ISM1: variants seen among roughly 807,000 people sequenced by gnomAD.
ISM1 encodes isthmin 1.
In ISM1, 25 loss-of-function variants were observed where a neutral mutation model predicts 46.3. The observed-to-expected ratio is 0.54, with a 90% confidence interval of 0.39 to 0.75. The LOEUF is 0.75. Among genes scored for constraint, ISM1 ranks in the 30% least tolerant of loss-of-function variants. ISM1 has a pLI of 0.00. For synonymous variants in ISM1, 255 were observed against 256.7 expected, an observed-to-expected ratio of 0.99 and a Z score of 0.06; for missense variants, 536 against 625.4, an observed-to-expected ratio of 0.86 and a Z score of 1.52.
intron 4 of ISM1, among the ~76,000 whole-genome samples, chr20:13,292,023 T>C (rs752052511): frequency 6.6e-6 from 1 of 152,202 alleles, no homozygotes; most frequent in Non-Finnish European, 1.5e-5. Context: ...AAGAACAAGA[T>C]ATTAAACACT....
At chr20:13,262,038 C>A (rs886519803) in intron 1 of ISM1, among the ~76,000 whole-genome samples, 18 of 152,160 alleles carry the variant, frequency 1.2e-4, no homozygotes, top group African/African-American at 4.1e-4. Context: ...ATACTTGGGC[C>A]TTTTAGGTGC....
At chr20:13,308,192 G>C in the ISM1 span, among the ~76,000 whole-genome samples, 2 of 152,156 alleles carry the variant, frequency 1.3e-5, no homozygotes, top group Non-Finnish European at 2.9e-5. Context: ...ACACAAAAAG[G>C]AATAGACAGG....
intron 1 of ISM1, among the ~76,000 whole-genome samples, chr20:13,225,012 A>ATTT (rs532771229): frequency 8.4e-4 from 115 of 137,682 alleles, no homozygotes; most frequent in Non-Finnish European, 1.2e-3. Flanking sequence ...CGCCCGGCTA[A>ATTT]TTTTTTTTTT....
At chr20:13,289,166 T>C (rs950896854) in intron 4 of ISM1, among the ~76,000 whole-genome samples, 1 of 152,222 alleles carries the variant, frequency 6.6e-6, no homozygotes, top group African/African-American at 2.4e-5. Context: ...TATGCACAAT[T>C]GCAGTGGCCG....
chr20:13,298,857 C>G (rs1334368511), intron 5 of ISM1, 85 bp from the exon 6 acceptor site: 1 of 1,401,414 alleles, frequency 7.1e-7, no homozygotes, highest in Non-Finnish European at 9.8e-7. Flanking sequence ...CCCTCAGGAG[C>G]AGCCTGGTGT....
At chr20:13,311,248 G>GATAGATAGATGATAGATAGATAT in the ISM1 span, among the ~76,000 whole-genome samples, 1 of 106,174 alleles carries the variant, frequency 9.4e-6, no homozygotes. Flanking sequence ...ATAGATGATA[G>GATAGATAGATGATAGATAGATAT]ATAGATAGAT....
At chr20:13,225,186 G>A (rs983540573) in intron 1 of ISM1, among the ~76,000 whole-genome samples, 17 of 151,990 alleles carry the variant, frequency 1.1e-4, no homozygotes, top group African/African-American at 1.7e-4. Context: ...CAAAAATCCC[G>A]GGAATTAGGT....
intron 1 of ISM1, among the ~76,000 whole-genome samples, chr20:13,252,044 C>T (rs139435140): frequency 0.012 from 1,842 of 152,214 alleles, 12 homozygotes; most frequent in Middle Eastern, 0.024. Flanking sequence ...ATGAGCTTTC[C>T]AGTTGGGGGC....
intron 3 of ISM1, 129 bp downstream of exon 3, chr20:13,280,027 A>G: frequency 4.7e-6 from 4 of 859,362 alleles, no homozygotes; most frequent in South Asian, 1.8e-5. Context: ...AAACCTCACA[A>G]AGGCTGTCTT....
chr20:13,287,767 G>A (rs1012023760), intron 3 of ISM1, among the ~76,000 whole-genome samples: 2 of 152,170 alleles, frequency 1.3e-5, no homozygotes, highest in Admixed American at 6.5e-5. Flanking sequence ...GACCTTGAGG[G>A]ATCATCTCTA....
chr20:13,267,281 A>T (rs2040052998), intron 1 of ISM1, among the ~76,000 whole-genome samples: 1 of 152,200 alleles, frequency 6.6e-6, no homozygotes, highest in Non-Finnish European at 1.5e-5. Context: ...TCTTCCAAAT[A>T]CTTTACAAAC....
At chr20:13,281,588 C>G (rs907026620) in intron 3 of ISM1, among the ~76,000 whole-genome samples, 3 of 152,218 alleles carry the variant, frequency 2.0e-5, no homozygotes, top group Non-Finnish European at 4.4e-5. Flanking sequence ...AGATTCACCC[C>G]AGGCAGTCTG....
intron 4 of ISM1, among the ~76,000 whole-genome samples, chr20:13,289,932 C>G (rs1337401073): frequency 1.3e-5 from 2 of 152,160 alleles, no homozygotes; most frequent in Non-Finnish European, 2.9e-5. Flanking sequence ...CCCCAGACTT[C>G]CTTTTTCTAC....
intron 1 of ISM1, among the ~76,000 whole-genome samples, chr20:13,225,006 C>T (rs1054625082): frequency 1.5e-4 from 21 of 143,452 alleles, no homozygotes; most frequent in East Asian, 5.9e-4. Flanking sequence ...CCACCACGCC[C>T]GGCTAATTTT....
At chr20:13,304,347 G>A (rs2040482474), downstream of ISM1, among the ~76,000 whole-genome samples, 1 of 152,186 alleles carries the variant, frequency 6.6e-6, no homozygotes, top group Admixed American at 6.5e-5. Context: ...TGGAATCAAA[G>A]TGGGCGGTCA....
chr20:13,316,027 T>C, the ISM1 span, among the ~76,000 whole-genome samples: 1 of 151,894 alleles, frequency 6.6e-6, no homozygotes, highest in African/African-American at 2.4e-5. Flanking sequence ...AAAAGGTAAA[T>C]AAATTCAATA....
At chr20:13,233,616 G>C (rs1211024971) in intron 1 of ISM1, among the ~76,000 whole-genome samples, 1 of 149,872 alleles carries the variant, frequency 6.7e-6, no homozygotes, top group Non-Finnish European at 1.5e-5. Flanking sequence ...AAAAAAAAAG[G>C]AGATCCCATT....
chr20:13,251,240 C>T (rs907680668), intron 1 of ISM1, among the ~76,000 whole-genome samples: 1 of 152,198 alleles, frequency 6.6e-6, no homozygotes, highest in African/African-American at 2.4e-5. Context: ...CCGCTCCCTG[C>T]TTCCATTCCA....
chr20:13,310,157 A>G, the ISM1 span, among the ~76,000 whole-genome samples: 11 of 152,216 alleles, frequency 7.2e-5, no homozygotes, highest in African/African-American at 2.7e-4. Flanking sequence ...AAAGGAACAA[A>G]GCTGGAAGTA....
Sources: allele counts gnomAD v4.1 joint callset (sites outside exome capture counted in the v4.1 genomes callset), GRCh38; gene constraint gnomAD v4.1.1; transcripts MANE v1.5; gene names NCBI Gene and HGNC (gene_info 2026-07-23, HGNC 2026-07-21).